Variants in TP53I13 observed in about 807,000 individuals in gnomAD.
The protein encoded by TP53I13 is tumor protein p53 inducible protein 13.
A neutral mutation model predicts 39.1 loss-of-function variants in TP53I13; 27 were observed. That is an observed-to-expected ratio of 0.69 (90% CI 0.51 to 0.95). The LOEUF (loss-of-function observed/expected upper bound fraction) is 0.95, where lower values mean the gene tolerates loss of function less well. Among genes scored for constraint, TP53I13 ranks in the 40% least tolerant of loss-of-function variants. The pLI is 0.00. For missense variants in TP53I13, 544 were observed against 520.4 expected, an observed-to-expected ratio of 1.05 and a Z score of -0.44; for synonymous variants, 230 against 224.6, an observed-to-expected ratio of 1.02 and a Z score of -0.22.
In TP53I13 at chr17:29,568,864, C is replaced by G. The variant is rs949766802; in HGVS notation, c.72+34C>G. On this transcript the variant is annotated intron_variant, in intron 1 of 6. Coordinates refer to ENST00000301057, the MANE Select transcript of TP53I13 (RefSeq NM_138349.4). This position sits in a 1 kb window ranked among gnomAD's most constrained non-coding sequence, Gnocchi z 4.5. ...ACCCGCTCCTGGGAAGGCCTCGGCC[C>G]GCGAGCTCAAAGCGCTTTGCCAAAA... is the stretch of plus-strand genomic sequence containing the variant. 5 of 1,599,494 alleles carry G rather than the reference C, an allele frequency of 3.1e-6. No homozygotes were observed. The highest frequency in any genetic ancestry group is 1.3e-5 in the African/African-American group (1 of 74,866).
In TP53I13 at chr17:29,573,008, C is replaced by T. The variant is rs977300997; in HGVS notation, c.*84C>T. 14 of 1,147,786 alleles carry T rather than the reference C, an allele frequency of 1.2e-5. No individual in the cohort carries two copies. In the Admixed American group the frequency reaches 4.2e-4, roughly 35 times the overall value. The allele number at this position is 1,147,786 out of a possible 1,614,324, so 71.1% of individuals were successfully genotyped here. Reference sequence around the variant, plus strand: ...TCTGCCACGTGGACCGCGCGCGGGGCGCTCCCTGGTGGCGATGGCGCGGCA... The same window carrying T: ...TCTGCCACGTGGACCGCGCGCGGGGTGCTCCCTGGTGGCGATGGCGCGGCA... On this transcript the variant is annotated 3_prime_UTR_variant, in exon 7 of 7. Transcript: ENST00000301057.
At chr17:29,577,851 C>G (rs2033268146), downstream of TP53I13, 1 of 720,812 alleles carries the variant, frequency 1.4e-6, no homozygotes, top group African/African-American at 1.7e-5. Context: ...CTACTGAGCA[C>G]TGGTGTTCAG....
At chr17:29,577,599 C>CG (rs1363195642), downstream of TP53I13, 1 of 1,226,552 alleles carries the variant, frequency 8.2e-7, no homozygotes, top group East Asian at 2.3e-5. Context: ...GGAGGGACCG[C>CG]GGGGATGAAG....
chr17:29,573,080 G>C lies in TP53I13; in HGVS notation c.*156G>C, dbSNP rs979585648. On this transcript the variant is annotated 3_prime_UTR_variant, in exon 7 of 7. Transcript: ENST00000301057. The stretch of plus-strand genomic sequence containing the variant: ...TTTCCTCCTTGTTGGTTGCTGAGTG[G>C]GCGGCCAAGGGGAGAAAAGGAGCCG... 2 of 540,844 alleles carry C rather than the reference G, an allele frequency of 3.7e-6. No individual in the cohort carries two copies. The highest frequency in any genetic ancestry group is 8.5e-5 in the South Asian group (2 of 23,468). The allele number at this position is 540,844 out of a possible 1,614,324, so 33.5% of individuals were successfully genotyped here.
the TP53I13 span, chr17:29,582,059 G>T: frequency 1.2e-6 from 2 of 1,610,504 alleles, no homozygotes; most frequent in Non-Finnish European, 1.7e-6. Flanking sequence ...GCCCTTCTCT[G>T]GGTGGAAGAA....
chr17:29,574,914 T>C, downstream of TP53I13: 1 of 1,560,060 alleles, frequency 6.4e-7, no homozygotes, highest in Non-Finnish European at 8.7e-7. Context: ...AGGGCTGGCC[T>C]CTGGAGGGGG....
rs553644354 is a variant in TP53I13 at position 29,572,112 on chromosome 17, C to T, written c.514-30C>T. 3.1e-6 allele frequency: 5 copies of T among 1,610,610 alleles called. No homozygotes were observed. In the African/African-American group the frequency reaches 6.7e-5, roughly 21 times the overall value. On this transcript the variant is annotated intron_variant, in intron 5 of 6. Transcript: ENST00000301057. ...CCCTCGGGTTCTCTGAGAGGGGCAG[C>T]AGGGTGATTGCTCTCTCTCCTCTCC...
chr17:29,576,154 C>G (rs201494901), downstream of TP53I13: 83 of 1,612,856 alleles, frequency 5.1e-5, no homozygotes, highest in South Asian at 6.6e-5. Context: ...GCACAGCGAG[C>G]GTCATGGTGG....
downstream of TP53I13, chr17:29,577,307 G>T: frequency 7.9e-7 from 1 of 1,268,472 alleles, no homozygotes; most frequent in Non-Finnish European, 1.1e-6. Context: ...ACGCAGGACG[G>T]CAGGGACCAA....
chr17:29,579,383 C>T, the TP53I13 span: 3 of 272,168 alleles, frequency 1.1e-5, no homozygotes, highest in African/African-American at 6.5e-5. Flanking sequence ...CACCTGGCTG[C>T]ACTACCCCTT....
At chr17:29,578,467 GCCTT>G in the TP53I13 span, 3 of 1,176,180 alleles carry the variant, frequency 2.6e-6, no homozygotes, top group Admixed American at 1.7e-5. Flanking sequence ...GGAACCGGTG[GCCTT>G]CCTTGTGCTG....
At chr17:29,576,594 C>T (rs753696066), downstream of TP53I13, 13 of 1,613,934 alleles carry the variant, frequency 8.1e-6, no homozygotes, top group East Asian at 4.5e-5. Flanking sequence ...CCTTTGCCTC[C>T]GATGTAGCCA....
chr17:29,569,721 T>TA (rs771387772), intron 3 of TP53I13: 13 of 252,536 alleles, frequency 5.1e-5, no homozygotes, highest in Non-Finnish European at 1.0e-4. Flanking sequence ...GGGCCCCAGC[T>TA]TTCTGTAGGA....
At chr17:29,577,251 C>T (rs201250404), downstream of TP53I13, 2 of 1,613,060 alleles carry the variant, frequency 1.2e-6, no homozygotes, top group African/African-American at 2.7e-5. Flanking sequence ...GTCGCCCCTG[C>T]AAGGCAGAAA....
At chr17:29,578,889 C>T in the TP53I13 span, 1 of 1,570,360 alleles carries the variant, frequency 6.4e-7, no homozygotes. Flanking sequence ...GATGGCACCC[C>T]AGATGCTGCA....
At chr17:29,578,601 G>T in the TP53I13 span, 1 of 911,998 alleles carries the variant, frequency 1.1e-6, no homozygotes, top group South Asian at 1.3e-5. Context: ...GGACTGCTGA[G>T]GCCAGTGAGG....
chr17:29,568,656 C>CGACGCGGG, upstream of TP53I13: 1 of 488,910 alleles, frequency 2.0e-6, no homozygotes, highest in Non-Finnish European at 2.5e-6. This position sits in a 1 kb window ranked among gnomAD's most constrained non-coding sequence, Gnocchi z 4.5. Context: ...GACGCGCGGG[C>CGACGCGGG]GGCGCGGGCG....
chr17:29,577,312 G>A (rs1233093011), downstream of TP53I13: 2 of 1,210,748 alleles, frequency 1.7e-6, no homozygotes, highest in Non-Finnish European at 1.2e-6. Context: ...GGACGGCAGG[G>A]ACCAAGTAGC....
intron 3 of TP53I13, chr17:29,570,999 T>A (rs2032903017): frequency 6.6e-6 from 1 of 152,510 alleles, no homozygotes; most frequent in African/African-American, 2.4e-5. Flanking sequence ...TCACTAAGTT[T>A]TATTAGTTTG....
Sources: gnomAD v4.1 joint callset for allele counts on GRCh38, gnomAD v4.1.1 for gene constraint, Gnocchi (gnomAD v3.1) non-coding constraint, MANE v1.5 for transcripts, NCBI Gene and HGNC (gene_info 2026-07-23, HGNC 2026-07-21) for gene names.